CNTLN: variants seen among roughly 807,000 people sequenced by gnomAD.
CNTLN encodes the protein centlein, centrosomal protein.
In CNTLN, 212 loss-of-function variants were observed where a neutral mutation model predicts 180.0. The observed-to-expected ratio is 1.18, with a 90% CI of 1.05 to 1.32. CNTLN has a LOEUF of 1.32. Ranked by LOEUF, CNTLN falls within the 40% of genes most tolerant of loss-of-function variation. CNTLN has a pLI of 0.00. For synonymous variants in CNTLN, 722 were observed against 563.1 expected (o/e 1.28, Z -3.99); for missense variants, 2,095 against 1,610.9 (o/e 1.30, Z -5.14).
chr9:17,424,038 G>C (rs918449652), intron 18 of CNTLN, among the ~76,000 whole-genome samples: 2 of 152,124 alleles, frequency 1.3e-5, no homozygotes, highest in African/African-American at 4.8e-5. Context: ...CTGGATAATT[G>C]TTGAATTTGA....
chr9:17,266,443 G>A (rs771566985), intron 5 of CNTLN, among the ~76,000 whole-genome samples: 1 of 152,088 alleles, frequency 6.6e-6, no homozygotes, highest in East Asian at 1.9e-4. Flanking sequence ...TTGCTGAGGA[G>A]AGCTTTGCTT....
intron 11 of CNTLN, 34 bp downstream of exon 11, chr9:17,340,982 A>C (rs1283768862): frequency 6.3e-7 from 1 of 1,579,768 alleles, no homozygotes; most frequent in South Asian, 1.2e-5. Flanking sequence ...CATTTCCCTA[A>C]ATATTAAATG....
chr9:17,348,094 G>A (rs931276271), intron 12 of CNTLN, among the ~76,000 whole-genome samples: 4 of 152,112 alleles, frequency 2.6e-5, no homozygotes, highest in Non-Finnish European at 5.9e-5. Context: ...ACCTCCCAAA[G>A]TGCTGGGATT....
intron 18 of CNTLN, among the ~76,000 whole-genome samples, chr9:17,417,306 C>G (rs1370740979): frequency 6.6e-6 from 1 of 152,082 alleles, no homozygotes; most frequent in Non-Finnish European, 1.5e-5. Context: ...TCTCTTTCTT[C>G]CCTTTCCTTT....
intron 12 of CNTLN, among the ~76,000 whole-genome samples, chr9:17,359,765 T>A (rs1361242768): frequency 2.0e-5 from 1 of 51,268 alleles, no homozygotes. Context: ...CTGGGTGTAG[T>A]GGCGGGCGCC....
chr9:17,493,150 G>A (rs1833259530), intron 25 of CNTLN, among the ~76,000 whole-genome samples: 1 of 152,116 alleles, frequency 6.6e-6, no homozygotes, highest in South Asian at 2.1e-4. Context: ...AGAGATAGAG[G>A]TGGTGATGGT....
chr9:17,464,237 T>C (rs1247281147), intron 20 of CNTLN, among the ~76,000 whole-genome samples: 1 of 151,352 alleles, frequency 6.6e-6, no homozygotes, highest in Non-Finnish European at 1.5e-5. Context: ...TGTTATTAAT[T>C]TTTCTCATTT....
chr9:17,178,432 G>T (rs1302695059), intron 2 of CNTLN, among the ~76,000 whole-genome samples: 1 of 152,216 alleles, frequency 6.6e-6, no homozygotes, highest in Non-Finnish European at 1.5e-5. Flanking sequence ...CCCTTGGGCG[G>T]TAGATGGGAC....
Position 17,462,970 on chromosome 9 carries a change from G to C in CNTLN, c.3361G>C (p.Glu1121Gln). 1 of 1,583,874 alleles carries C rather than the reference G, an allele frequency of 6.3e-7. No individual in the cohort carries two copies. The highest frequency in any genetic ancestry group is 1.2e-5 in the South Asian group (1 of 86,670). The change falls in exon 20 of 26, where the codon GAA becomes CAA. Residue 1121 changes from glutamate (E) to glutamine (Q), a missense_variant. Coordinates refer to ENST00000380647, the MANE Select transcript of CNTLN (RefSeq NM_017738.4). ...ATCAAATGTGAAGACTTTGAAATTT[G>C]AACTCCTAGCAAAAGAAGAACACAT... ...QSSNVKTLKF[E>Q]LLAKEEHIKE...
At chr9:17,269,998 A>G (rs1320019806) in intron 5 of CNTLN, among the ~76,000 whole-genome samples, 1 of 152,124 alleles carries the variant, frequency 6.6e-6, no homozygotes, top group Admixed American at 6.5e-5. Flanking sequence ...TTGCACAGTC[A>G]TCTTTTATAA....
At chr9:17,259,186 G>A (rs987321979) in intron 5 of CNTLN, among the ~76,000 whole-genome samples, 1 of 149,370 alleles carries the variant, frequency 6.7e-6, no homozygotes, top group African/African-American at 2.5e-5. Flanking sequence ...AGCATGAAGG[G>A]TTGTTGAATT....
At chr9:17,343,669 T>C (rs1009381293) in intron 12 of CNTLN, among the ~76,000 whole-genome samples, 6 of 152,178 alleles carry the variant, frequency 3.9e-5, no homozygotes, top group Admixed American at 2.6e-4. Flanking sequence ...AGTAGCTTTA[T>C]TGAAATATAA....
At chr9:17,397,151 C>T (rs1482109844) in intron 15 of CNTLN, among the ~76,000 whole-genome samples, 3 of 152,152 alleles carry the variant, frequency 2.0e-5, no homozygotes, top group East Asian at 3.9e-4. Flanking sequence ...AGGTAATTCA[C>T]TAATATACTT....
chr9:17,155,790 A>C (rs1294863950), intron 2 of CNTLN, among the ~76,000 whole-genome samples: 1 of 152,056 alleles, frequency 6.6e-6, no homozygotes, highest in South Asian at 2.1e-4. Context: ...TATGGAAAAA[A>C]AAAAAGCTCC....
intron 13 of CNTLN, among the ~76,000 whole-genome samples, chr9:17,368,018 A>G (rs1052867163): frequency 2.2e-4 from 34 of 152,162 alleles, no homozygotes; most frequent in African/African-American, 7.7e-4. Flanking sequence ...CTCATCCACA[A>G]TGAAGTAGAA....
At chr9:17,475,861 A>C (rs975662071) in intron 23 of CNTLN, among the ~76,000 whole-genome samples, 27 of 123,216 alleles carry the variant, frequency 2.2e-4, no homozygotes, top group Admixed American at 5.4e-4. Context: ...TGACAGAGCA[A>C]GACTCTCTCT....
At chr9:17,486,497 A>G (rs1588096508) in intron 24 of CNTLN, among the ~76,000 whole-genome samples, 1 of 152,120 alleles carries the variant, frequency 6.6e-6, no homozygotes, top group Non-Finnish European at 1.5e-5. Flanking sequence ...TCCCTGGCCT[A>G]TCAGTAGATT....
intron 1 of CNTLN, among the ~76,000 whole-genome samples, chr9:17,139,061 A>G (rs767398148): frequency 2.0e-4 from 31 of 151,868 alleles, no homozygotes; most frequent in Non-Finnish European, 5.9e-5. Context: ...TGGAAGTTCT[A>G]TAGTGAGAAA....
intron 6 of CNTLN, 97 bp from the exon 7 acceptor site, chr9:17,298,093 A>T: frequency 1.9e-6 from 2 of 1,061,682 alleles, no homozygotes; most frequent in Non-Finnish European, 2.5e-6. Flanking sequence ...AACAGATGCA[A>T]AACAGGATGC....
Sources: allele counts gnomAD v4.1 joint callset (sites outside exome capture counted in the v4.1 genomes callset), GRCh38; gene constraint gnomAD v4.1.1; transcripts MANE v1.5; gene names NCBI Gene and HGNC (gene_info 2026-07-23, HGNC 2026-07-21).